The following PPP1R9A variants were observed in gnomAD, a reference collection of about 807,000 sequenced individuals.
The protein encoded by PPP1R9A is protein phosphatase 1 regulatory subunit 9A, also known as neurabin-1.
A neutral mutation model predicts 141.9 loss-of-function variants in PPP1R9A; 59 were observed. The observed-to-expected ratio is 0.42, with a 90% CI of 0.34 to 0.52. PPP1R9A has a LOEUF of 0.52. PPP1R9A is among the 20% of genes least tolerant of loss of function. The probability of loss-of-function intolerance (pLI) is 0.10; values close to 1 mark genes in which losing one functional copy is unlikely to be tolerated. For missense variants in PPP1R9A, 1,444 were observed against 1,611.9 expected, an observed-to-expected ratio of 0.90 and a Z score of 1.78; for synonymous variants, 500 against 569.7, an observed-to-expected ratio of 0.88 and a Z score of 1.74.
At chr7:94,975,370 T>G (rs1192282583) in intron 2 of PPP1R9A, among the ~76,000 whole-genome samples, 106 of 146,794 alleles carry the variant, frequency 7.2e-4, no homozygotes, top group African/African-American at 1.8e-3. Context: ...TTTTTTTTTT[T>G]TTTTTTTTTT....
At chr7:95,124,822 T>C (rs1478942130) in intron 4 of PPP1R9A, among the ~76,000 whole-genome samples, 1 of 152,102 alleles carries the variant, frequency 6.6e-6, no homozygotes. Context: ...AAGTTTTTTT[T>C]CTCCCCCTCC....
At chr7:94,974,656 A>G (rs1355130419) in intron 2 of PPP1R9A, among the ~76,000 whole-genome samples, 2 of 152,188 alleles carry the variant, frequency 1.3e-5, no homozygotes, top group Admixed American at 6.5e-5. Flanking sequence ...CTAAAAAAAC[A>G]TTGACGCTTC....
chr7:94,958,258 C>T (rs1480873515), intron 2 of PPP1R9A, among the ~76,000 whole-genome samples: 1 of 151,966 alleles, frequency 6.6e-6, no homozygotes, highest in Admixed American at 6.6e-5. Flanking sequence ...TGGAGACCTC[C>T]CCTGTTCTGC....
intron 2 of PPP1R9A, among the ~76,000 whole-genome samples, chr7:94,936,489 T>C (rs1319978132): frequency 6.6e-6 from 1 of 152,182 alleles, no homozygotes; most frequent in Non-Finnish European, 1.5e-5. Flanking sequence ...TGTCATGTTC[T>C]GTATTCCGTA....
At chr7:95,119,460 C>T (rs1368142648) in intron 3 of PPP1R9A, among the ~76,000 whole-genome samples, 1 of 152,076 alleles carries the variant, frequency 6.6e-6, no homozygotes, top group Non-Finnish European at 1.5e-5. Context: ...ATATCCATGA[C>T]TTATCTTTTT....
At chr7:94,956,811 C>T (rs1472352819) in intron 2 of PPP1R9A, among the ~76,000 whole-genome samples, 3 of 152,190 alleles carry the variant, frequency 2.0e-5, no homozygotes, top group Middle Eastern at 3.4e-3. Context: ...ACCCATAGTG[C>T]ATAGTCAGTC....
intron 12 of PPP1R9A, among the ~76,000 whole-genome samples, chr7:95,264,891 A>C (rs1358723830): frequency 6.6e-6 from 1 of 152,198 alleles, no homozygotes; most frequent in Non-Finnish European, 1.5e-5. Context: ...AAAAGAAAGA[A>C]CTGAGGTCTT....
At chr7:95,126,451 T>C (rs189581053) in intron 4 of PPP1R9A, among the ~76,000 whole-genome samples, 20 of 152,338 alleles carry the variant, frequency 1.3e-4, no homozygotes, top group Non-Finnish European at 2.2e-4. Context: ...TTGTGCACTT[T>C]TGTTTATGGT....
At chr7:95,194,196 A>G (rs138773485) in intron 5 of PPP1R9A, among the ~76,000 whole-genome samples, 35 of 152,188 alleles carry the variant, frequency 2.3e-4, no homozygotes, top group African/African-American at 8.2e-4. Context: ...TTGTATTTGT[A>G]TCATTAGACG....
At chr7:95,066,588 G>A (rs1486495707) in intron 2 of PPP1R9A, among the ~76,000 whole-genome samples, 4 of 152,086 alleles carry the variant, frequency 2.6e-5, no homozygotes, top group African/African-American at 9.7e-5. Flanking sequence ...AGGACAAAAG[G>A]ACATTAAAAG....
At chr7:95,194,125 T>C (rs1276728377) in intron 5 of PPP1R9A, among the ~76,000 whole-genome samples, 1 of 152,074 alleles carries the variant, frequency 6.6e-6, no homozygotes, top group African/African-American at 2.4e-5. Context: ...TAAATAAAGA[T>C]AAAAGGTCAA....
At chr7:95,270,177 C>T (rs1328843206) in intron 14 of PPP1R9A, among the ~76,000 whole-genome samples, 4 of 152,122 alleles carry the variant, frequency 2.6e-5, no homozygotes, top group Non-Finnish European at 5.9e-5. Flanking sequence ...ATATTTTACT[C>T]TGTGGCCCCT....
intron 5 of PPP1R9A, among the ~76,000 whole-genome samples, chr7:95,171,210 A>G (rs1311957879): frequency 1.3e-5 from 2 of 151,592 alleles, no homozygotes; most frequent in Non-Finnish European, 3.0e-5. Context: ...TAACAGCACA[A>G]TGGTAGCTTT....
chr7:95,159,516 C>CA (rs1830127026), intron 4 of PPP1R9A, among the ~76,000 whole-genome samples: 1 of 152,108 alleles, frequency 6.6e-6, no homozygotes, highest in African/African-American at 2.4e-5. Context: ...CTATACCTGT[C>CA]AACCCATCAT....
intron 2 of PPP1R9A, among the ~76,000 whole-genome samples, chr7:95,100,270 A>G (rs1157922674): frequency 6.6e-6 from 1 of 152,092 alleles, no homozygotes; most frequent in East Asian, 1.9e-4. Flanking sequence ...AAATAATAAT[A>G]AATAATTTAA....
chr7:95,241,882 C>T (rs749676460), intron 8 of PPP1R9A, among the ~76,000 whole-genome samples: 4 of 152,064 alleles, frequency 2.6e-5, no homozygotes, highest in Admixed American at 6.6e-5. Context: ...TAAAAAAGAG[C>T]TGTAATTACA....
chr7:95,265,976 G>A (rs1477451602), intron 12 of PPP1R9A, among the ~76,000 whole-genome samples: 1 of 152,082 alleles, frequency 6.6e-6, no homozygotes, highest in African/African-American at 2.4e-5. Context: ...TGCCATTTTT[G>A]GGTTGTCTGA....
chr7:94,993,093 T>G (rs1174227740), intron 2 of PPP1R9A, among the ~76,000 whole-genome samples: 2 of 151,944 alleles, frequency 1.3e-5, no homozygotes, highest in Admixed American at 1.3e-4. Context: ...GTATGGTTTT[T>G]TTTTTCTTTT....
At chr7:95,288,407 C>T in intron 18 of PPP1R9A, 129 bp from the exon 19 acceptor site, 1 of 1,324,970 alleles carries the variant, frequency 7.5e-7, no homozygotes, top group South Asian at 1.7e-5. Context: ...CCACTAGAAC[C>T]ATTAGCTTAT....
Sources: gnomAD v4.1 joint callset for allele counts (sites outside exome capture counted in the v4.1 genomes callset) on GRCh38, gnomAD v4.1.1 for gene constraint, MANE v1.5 for transcripts, NCBI Gene and HGNC (gene_info 2026-07-23, HGNC 2026-07-21) for gene names.